The following TMEM116 variants were observed in gnomAD, a reference collection of about 807,000 sequenced individuals.
The protein encoded by TMEM116 is transmembrane protein 116.
In TMEM116, 38 loss-of-function variants were observed where a neutral mutation model predicts 44.3. That is an observed-to-expected ratio of 0.86 (90% CI 0.66 to 1.12). TMEM116 has a LOEUF of 1.12. Ranked by LOEUF, TMEM116 falls within the 50% of genes most tolerant of loss-of-function variation. The pLI is 0.00. For missense variants in TMEM116, 354 were observed against 401.7 expected (o/e 0.88, Z 1.01); for synonymous variants, 132 against 144.8 (o/e 0.91, Z 0.64).
intron 5 of TMEM116, among the ~76,000 whole-genome samples, chr12:111,938,546 C>T (rs2072376057): frequency 2.0e-5 from 3 of 152,158 alleles, no homozygotes; most frequent in South Asian, 4.2e-4. Flanking sequence ...ATATAGTAAC[C>T]CTCTATCTTC....
chr12:111,966,021 T>C (rs923106078), intron 4 of TMEM116, among the ~76,000 whole-genome samples: 5 of 148,438 alleles, frequency 3.4e-5, no homozygotes, highest in South Asian at 2.2e-4. Context: ...AAGAAGAAAT[T>C]TGAGGCCAGG....
intron 3 of TMEM116, chr12:112,000,605 C>T: frequency 3.0e-6 from 1 of 333,636 alleles, no homozygotes; most frequent in South Asian, 2.5e-5. Context: ...TGGCTTACTG[C>T]AGTCTTACTT....
At chr12:111,984,011 G>C (rs1593529501) in intron 4 of TMEM116, among the ~76,000 whole-genome samples, 1 of 151,934 alleles carries the variant, frequency 6.6e-6, no homozygotes, top group Admixed American at 6.6e-5. Context: ...ATGCAACGAT[G>C]GTTCAACATA....
intron 4 of TMEM116, among the ~76,000 whole-genome samples, chr12:111,979,176 C>T (rs1266009816): frequency 6.6e-6 from 1 of 152,018 alleles, no homozygotes; most frequent in Non-Finnish European, 1.5e-5. Context: ...CAAATGAATA[C>T]ATGTACACAT....
chr12:111,993,765 G>A (rs1284353424), intron 3 of TMEM116: 2 of 709,620 alleles, frequency 2.8e-6, no homozygotes, highest in Non-Finnish European at 5.4e-6. Context: ...CAGAGGAGCT[G>A]GTTGTAACAT....
At chr12:111,939,921 T>C (rs926557901) in intron 5 of TMEM116, among the ~76,000 whole-genome samples, 49 of 143,180 alleles carry the variant, frequency 3.4e-4, no homozygotes, top group African/African-American at 1.2e-3. Flanking sequence ...TGTGTGTGTG[T>C]GTGTGTGTGT....
intron 4 of TMEM116, among the ~76,000 whole-genome samples, chr12:111,990,267 AAAG>A (rs1464703878): frequency 2.7e-5 from 4 of 145,826 alleles, no homozygotes; most frequent in Non-Finnish European, 3.0e-5. Flanking sequence ...AAAAAAAAAA[AAAG>A]GTAACATTAA....
At chr12:111,995,147 G>A (rs1944811566) in intron 3 of TMEM116, among the ~76,000 whole-genome samples, 1 of 152,096 alleles carries the variant, frequency 6.6e-6, no homozygotes, top group African/African-American at 2.4e-5. Flanking sequence ...ATAATCAGGA[G>A]CATTTCATCT....
chr12:111,963,340 T>G (rs1477638657), intron 4 of TMEM116, among the ~76,000 whole-genome samples: 1 of 152,218 alleles, frequency 6.6e-6, no homozygotes, highest in Non-Finnish European at 1.5e-5. Flanking sequence ...CCCAAAGGAT[T>G]AGAAATCATT....
chr12:112,008,479 CAA>C (rs568656215), intron 1 of TMEM116, among the ~76,000 whole-genome samples: 1 of 129,704 alleles, frequency 7.7e-6, no homozygotes, highest in Non-Finnish European at 1.7e-5. Context: ...GACTCCACCT[CAA>C]AAAAAAAAAA....
chr12:111,943,633 C>T (rs2073035811), intron 4 of TMEM116, among the ~76,000 whole-genome samples: 1 of 152,146 alleles, frequency 6.6e-6, no homozygotes, highest in Non-Finnish European at 1.5e-5. Context: ...CTCCCAGGTT[C>T]AAGCGATTCT....
At chr12:111,992,253 C>T (rs1334067275) in intron 3 of TMEM116, among the ~76,000 whole-genome samples, 2 of 151,158 alleles carry the variant, frequency 1.3e-5, no homozygotes, top group Admixed American at 6.6e-5. Flanking sequence ...TTTAGTGGCA[C>T]AGGCAACATC....
rs773061292 is a variant in TMEM116, at chr12:111,931,740, G to C, written c.895C>G (p.Arg299Gly). ...HKFHQLKQEA[R>G]RDADTQTPLL... The stretch of plus-strand genomic sequence containing the variant: ...GGTGTCTGGGTATCTGCATCACGCC[G>C]AGCCTCCTGCTTTAGTTGGTGGAAT... The change falls in exon 11 of 11, where the codon CGG (arginine) becomes GGG (glycine). Residue 299 changes from arginine to glycine, a missense_variant. By Grantham distance (125) the Arg-to-Gly change is moderately radical. Coordinates refer to ENST00000552374, the MANE Select transcript of TMEM116 (RefSeq NM_001193531.2). 3.7e-6 allele frequency: 6 copies of C among 1,611,406 alleles called. No homozygotes were observed. The East Asian group carries it at 1.3e-4, about 36-fold the overall frequency.
At chr12:111,986,237 T>C (rs1802707463) in intron 4 of TMEM116, among the ~76,000 whole-genome samples, 1 of 152,070 alleles carries the variant, frequency 6.6e-6, no homozygotes, top group Non-Finnish European at 1.5e-5. Flanking sequence ...TGTGCACCTG[T>C]GGTCCTAGCT....
At chr12:112,003,318 C>G (rs1002824833) in intron 3 of TMEM116, among the ~76,000 whole-genome samples, 1 of 152,174 alleles carries the variant, frequency 6.6e-6, no homozygotes, top group African/African-American at 2.4e-5. Context: ...CCTGTAATCC[C>G]AGCACTTTGG....
intron 3 of TMEM116, among the ~76,000 whole-genome samples, chr12:112,001,240 A>G (rs966503433): frequency 6.6e-6 from 1 of 152,254 alleles, no homozygotes; most frequent in Non-Finnish European, 1.5e-5. Flanking sequence ...CTGTTATGCC[A>G]GAAAGTCACC....
intron 2 of TMEM116, 55 bp downstream of exon 2, chr12:112,005,202 G>T: frequency 8.0e-7 from 1 of 1,246,730 alleles, no homozygotes; most frequent in South Asian, 1.7e-5. Flanking sequence ...GAAAACTACA[G>T]AATTGACGAA....
intron 3 of TMEM116, among the ~76,000 whole-genome samples, chr12:111,994,987 A>T (rs976862616): frequency 6.6e-6 from 1 of 152,064 alleles, no homozygotes; most frequent in African/African-American, 2.4e-5. Flanking sequence ...CTTTTCTGGG[A>T]TAGTAATCTT....
intron 4 of TMEM116, among the ~76,000 whole-genome samples, chr12:111,985,999 TA>T (rs1277174019): frequency 6.6e-6 from 1 of 151,478 alleles, no homozygotes; most frequent in Non-Finnish European, 1.5e-5. Flanking sequence ...TTTGCAGAAA[TA>T]AAATATACCA....
Sources: gnomAD v4.1 joint callset for allele counts (sites outside exome capture counted in the v4.1 genomes callset) on GRCh38, gnomAD v4.1.1 for gene constraint, MANE v1.5 for transcripts, NCBI Gene and HGNC (gene_info 2026-07-23, HGNC 2026-07-21) for gene names.